The following ZRANB1 variants were observed in gnomAD, a reference collection of about 807,000 sequenced individuals.
ZRANB1 encodes the protein zinc finger RANBP2-type containing 1.
A neutral mutation model predicts 80.5 loss-of-function variants in ZRANB1; 16 were observed. That is an observed-to-expected ratio of 0.20 (90% confidence interval 0.13 to 0.30). The LOEUF is 0.30. Ranked by LOEUF, ZRANB1 falls within the 10% of genes least tolerant of loss-of-function variation. The pLI is 1.00. For synonymous variants in ZRANB1, 291 were observed against 293.1 expected (o/e 0.99, Z 0.07); for missense variants, 576 against 862.6 (o/e 0.67, Z 4.16).
In ZRANB1 at chr10:124,983,422, C is replaced by T; in HGVS notation, c.1679-37C>T. 2 of 1,595,762 alleles carry T rather than the reference C, an allele frequency of 1.3e-6. No individual in the cohort carries two copies. On this transcript the variant is annotated intron_variant, in intron 7 of 8. Transcript: ENST00000359653. This position sits in a 1 kb window ranked among gnomAD's most constrained non-coding sequence, Gnocchi z 6.2. ...GGCAGTGAGGGAGTGGCTCTTTCTT[C>T]CTGTGACTGTTGGGATTTTCTTCCC... is the stretch of plus-strand genomic sequence containing the variant.
At chr10:124,964,770 G>A (rs1363525995) in intron 1 of ZRANB1, among the ~76,000 whole-genome samples, 2 of 152,200 alleles carry the variant, frequency 1.3e-5, no homozygotes, top group Non-Finnish European at 2.9e-5. Context: ...TTGATGCTAT[G>A]TATACCTGAG....
At chr10:124,952,885 C>T (rs1029853541) in intron 1 of ZRANB1, among the ~76,000 whole-genome samples, 7 of 152,190 alleles carry the variant, frequency 4.6e-5, no homozygotes, top group Admixed American at 1.3e-4. Flanking sequence ...GCTGGGATTA[C>T]AGGCGTGAGC....
chr10:124,965,194 AT>A (rs1951766935), intron 1 of ZRANB1, among the ~76,000 whole-genome samples: 1 of 152,184 alleles, frequency 6.6e-6, no homozygotes, highest in Non-Finnish European at 1.5e-5. Context: ...GAGGTGGGGC[AT>A]TTGTAGCTGA....
At chr10:124,950,125 CTAAT>C (rs1951624918) in intron 1 of ZRANB1, among the ~76,000 whole-genome samples, 1 of 152,070 alleles carries the variant, frequency 6.6e-6, no homozygotes, top group South Asian at 2.1e-4. Context: ...AATTAATTAA[CTAAT>C]TAACTTTTTT....
intron 2 of ZRANB1, among the ~76,000 whole-genome samples, chr10:124,969,739 A>G (rs1951806055): frequency 6.6e-6 from 1 of 152,260 alleles, no homozygotes; most frequent in South Asian, 2.1e-4. Flanking sequence ...AGTTGGGGAT[A>G]ATTGATTTAA....
At position 124,948,922 on chromosome 10, in the gene ZRANB1, A is replaced by G. The variant is rs147975403; in HGVS notation, c.814+5615A>G. Among the ~76,000 whole-genome samples, 578 of 152,262 alleles carry G rather than the reference A, an allele frequency of 3.8e-3. 5 individuals carry two copies. Among genetic ancestry groups the G allele is most frequent in the African/African-American group, 0.013 (553 of 41,544 alleles). On this transcript the variant is annotated intron_variant, in intron 1 of 8. Transcript: ENST00000359653. Reference sequence around the variant, plus strand: ...GGCAAACCTTTATCCTACTCCTCCTATGAATTTCTAGATTCTTTGCCTGCT... The same window carrying G: ...GGCAAACCTTTATCCTACTCCTCCTGTGAATTTCTAGATTCTTTGCCTGCT...
In ZRANB1 at chr10:124,942,656, C is replaced by G; in HGVS notation, c.163C>G (p.Pro55Ala). 1 of 1,614,188 alleles carries G rather than the reference C, an allele frequency of 6.2e-7. No homozygotes were observed. The highest frequency in any genetic ancestry group is 1.1e-5 in the South Asian group (1 of 91,080). The change falls in exon 1 of 9, where the codon CCT becomes GCT. Residue 55 changes from proline (P) to alanine (A), a missense_variant. By Grantham distance (27) the Pro-to-Ala change is conservative. Coordinates refer to ENST00000359653, the MANE Select transcript of ZRANB1 (RefSeq NM_017580.3). Reference sequence around the variant, plus strand: ...AAGTGATGTTGGTAGAGATTGGGATCCTTCCAGCACCGAAGGAGGAAGTAG... The same window carrying G: ...AAGTGATGTTGGTAGAGATTGGGATGCTTCCAGCACCGAAGGAGGAAGTAG... ...GSSDVGRDWD[P>A]SSTEGGSSPL...
At position 124,947,219 on chromosome 10, in the gene ZRANB1, A is replaced by G. The variant is rs150375447; in HGVS notation, c.814+3912A>G. On this transcript the variant is annotated intron_variant, in intron 1 of 8. Transcript: ENST00000359653. Reference sequence around the variant, plus strand: ...TCAGTAGTAGAGCCTGAGGTTGAGAACCAGGGTGGTAAAGGTAGAGGTGTG... The same window carrying G: ...TCAGTAGTAGAGCCTGAGGTTGAGAGCCAGGGTGGTAAAGGTAGAGGTGTG... Among the ~76,000 whole-genome samples the G allele has an allele frequency of 7.0e-3, 1,071 of 152,300 alleles. 4 individuals are homozygous for G. The highest frequency in any genetic ancestry group is 0.012 in the Non-Finnish European group (807 of 68,018).
At chr10:124,936,819 T>C in the ZRANB1 span, among the ~76,000 whole-genome samples, 1 of 152,222 alleles carries the variant, frequency 6.6e-6, no homozygotes, top group Non-Finnish European at 1.5e-5. Flanking sequence ...GTTTTAGCTT[T>C]CGTCTTTATA....
At chr10:124,941,924 A>G (rs1951539269), upstream of ZRANB1, among the ~76,000 whole-genome samples, 1 of 152,218 alleles carries the variant, frequency 6.6e-6, no homozygotes, top group Non-Finnish European at 1.5e-5. Flanking sequence ...CTAATTAAGA[A>G]CAGTGGATAA....
At chr10:124,976,104 A>C (rs1951874291) in intron 5 of ZRANB1, among the ~76,000 whole-genome samples, 1 of 152,182 alleles carries the variant, frequency 6.6e-6, no homozygotes. Context: ...ATGTATAATA[A>C]AGCTAAAGAA....
chr10:124,938,692 CTG>C (rs1038875275), upstream of ZRANB1, among the ~76,000 whole-genome samples: 1 of 151,440 alleles, frequency 6.6e-6, no homozygotes, highest in African/African-American at 2.4e-5. Flanking sequence ...AGAGTGAACA[CTG>C]TACATCATTA....
chr10:124,938,362 A>G (rs1589836689), upstream of ZRANB1, among the ~76,000 whole-genome samples: 1 of 151,496 alleles, frequency 6.6e-6, no homozygotes, highest in East Asian at 1.9e-4. Context: ...TTTTTGAGAC[A>G]AAGTCTCACT....
chr10:124,977,397 A>G (rs1589854951), intron 5 of ZRANB1, among the ~76,000 whole-genome samples: 1 of 150,970 alleles, frequency 6.6e-6, no homozygotes. Flanking sequence ...AGTTGTCACT[A>G]ATGTTTGTAT....
intron 1 of ZRANB1, among the ~76,000 whole-genome samples, chr10:124,959,784 A>T (rs937567322): frequency 6.6e-6 from 1 of 152,160 alleles, no homozygotes; most frequent in Non-Finnish European, 1.5e-5. Context: ...TGAAAAGGGA[A>T]TGCCGTAATT....
At chr10:124,952,945 G>GA (rs1951653957) in intron 1 of ZRANB1, among the ~76,000 whole-genome samples, 2 of 150,442 alleles carry the variant, frequency 1.3e-5, no homozygotes, top group African/African-American at 2.5e-5. Flanking sequence ...TTTATTTTGA[G>GA]ATGGAGTCTT....
In ZRANB1 at chr10:124,942,486, A is replaced by C; in HGVS notation, c.-8A>C. The C allele has an allele frequency of 3.1e-6, 5 of 1,614,178 alleles. No individual in the cohort carries two copies. The highest frequency in any genetic ancestry group is 3.4e-6 in the Non-Finnish European group (4 of 1,180,002). On this transcript the variant is annotated 5_prime_UTR_variant, in exon 1 of 9. Transcript: ENST00000359653. ...CTGCCTGACACAGCTCACTTCAAGAAGTGCACAATGTCAGAACGTGGAATT... is the reference window on the plus strand; with the variant it reads ...CTGCCTGACACAGCTCACTTCAAGACGTGCACAATGTCAGAACGTGGAATT...
the ZRANB1 span, among the ~76,000 whole-genome samples, chr10:124,931,882 A>G: frequency 2.6e-5 from 4 of 152,192 alleles, no homozygotes; most frequent in African/African-American, 4.8e-5. Context: ...TGTAGATTCT[A>G]TGGGCTTTGA....
chr10:124,935,513 T>C, the ZRANB1 span, among the ~76,000 whole-genome samples: 1 of 152,220 alleles, frequency 6.6e-6, no homozygotes, highest in African/African-American at 2.4e-5. Context: ...TTGCCTGCAT[T>C]GGTTATGATA....
Sources: allele counts gnomAD v4.1 joint callset (sites outside exome capture counted in the v4.1 genomes callset), GRCh38; gene constraint gnomAD v4.1.1; non-coding constraint Gnocchi (gnomAD v3.1); transcripts MANE v1.5; gene names NCBI Gene and HGNC (gene_info 2026-07-23, HGNC 2026-07-21).